Variants in TEX101 observed in about 807,000 individuals in gnomAD.
TEX101 encodes the protein testis expressed 101.
A neutral mutation model predicts 18.1 loss-of-function variants in TEX101; 10 were observed. The ratio of observed to expected loss-of-function variants is 0.55; its 90% CI spans 0.34 to 0.94. The LOEUF is 0.94. Ranked by LOEUF, TEX101 falls within the 40% of genes least tolerant of loss-of-function variation. TEX101 has a pLI of 0.02. For synonymous variants in TEX101, 94 were observed against 114.8 expected, an observed-to-expected ratio of 0.82 and a Z score of 1.16; for missense variants, 259 against 298.9, an observed-to-expected ratio of 0.87 and a Z score of 0.98.
At chr19:43,408,141 C>T (rs764258989) in intron 3 of TEX101, among the ~76,000 whole-genome samples, 103 of 152,352 alleles carry the variant, frequency 6.8e-4, no homozygotes, top group Admixed American at 2.6e-4. Context: ...GTGAGCCTGC[C>T]CGAGCCCGCA....
chr19:43,403,082 C>A (rs1467040093), intron 2 of TEX101, among the ~76,000 whole-genome samples: 6 of 152,100 alleles, frequency 3.9e-5, no homozygotes, highest in Non-Finnish European at 8.8e-5. Context: ...TGCCATCTGG[C>A]GATAAAGAGT....
the TEX101 span, among the ~76,000 whole-genome samples, chr19:43,394,880 G>A: frequency 6.6e-6 from 1 of 152,140 alleles, no homozygotes; most frequent in East Asian, 1.9e-4. Context: ...CTGGAAAATG[G>A]CTTTTCAGGG....
At chr19:43,412,840 C>T (rs1471168067), upstream of TEX101, among the ~76,000 whole-genome samples, 1 of 152,140 alleles carries the variant, frequency 6.6e-6, no homozygotes, top group East Asian at 1.9e-4. Context: ...TGAAAGTATA[C>T]AAAGCGTTGC....
upstream of TEX101, among the ~76,000 whole-genome samples, chr19:43,400,094 C>T (rs1008004201): frequency 6.6e-6 from 1 of 152,180 alleles, no homozygotes; most frequent in African/African-American, 2.4e-5. Flanking sequence ...GGATTACAGG[C>T]GTGAGCCACC....
upstream of TEX101, among the ~76,000 whole-genome samples, chr19:43,399,868 T>A (rs960575553): frequency 1.4e-5 from 2 of 146,906 alleles, no homozygotes; most frequent in African/African-American, 5.1e-5. Context: ...AGTGCTGGAG[T>A]GCAATGGTAT....
At chr19:43,388,969 G>C in the TEX101 span, among the ~76,000 whole-genome samples, 1 of 151,984 alleles carries the variant, frequency 6.6e-6, no homozygotes, top group Non-Finnish European at 1.5e-5. Context: ...GTTCCTCCCG[G>C]GCCCTGCCTC....
chr19:43,391,269 G>A, the TEX101 span, among the ~76,000 whole-genome samples: 7 of 152,144 alleles, frequency 4.6e-5, no homozygotes, highest in African/African-American at 9.7e-5. Context: ...ACCAGAAGCC[G>A]AATTGCTGCA....
chr19:43,389,913 G>A, the TEX101 span, among the ~76,000 whole-genome samples: 8 of 152,010 alleles, frequency 5.3e-5, no homozygotes, highest in South Asian at 2.1e-4. Flanking sequence ...TTGTCTCCCC[G>A]GGTCTCCCTG....
intron 2 of TEX101, among the ~76,000 whole-genome samples, chr19:43,404,220 C>T (rs1206188011): frequency 6.6e-6 from 1 of 151,762 alleles, no homozygotes; most frequent in South Asian, 2.1e-4. Context: ...CAGCAGTGCA[C>T]GTGAGAAGTA....
At chr19:43,413,243 C>T (rs1049960080), upstream of TEX101, among the ~76,000 whole-genome samples, 2 of 152,064 alleles carry the variant, frequency 1.3e-5, no homozygotes, top group Non-Finnish European at 2.9e-5. Context: ...CGTGGTGGCT[C>T]ATGCCTGTAA....
At chr19:43,403,174 C>G (rs1372169031) in intron 2 of TEX101, among the ~76,000 whole-genome samples, 1 of 152,194 alleles carries the variant, frequency 6.6e-6, no homozygotes, top group Admixed American at 6.5e-5. Flanking sequence ...GGTGCCTCCA[C>G]TCACTCTCTG....
In TEX101 at chr19:43,417,978, C is replaced by G; in HGVS notation, c.492C>G (p.Cys164Trp). 6.2e-7 allele frequency: 1 copy of G among 1,614,160 alleles called. No individual in the cohort carries two copies. Among genetic ancestry groups the G allele is most frequent in the Non-Finnish European group, 8.5e-7 (1 of 1,180,028 alleles). The change falls in exon 5 of 6, where the codon TGC (cysteine) becomes TGG (tryptophan). Residue 164 changes from cysteine to tryptophan, a missense_variant. Physicochemically the swap from Cys to Trp is radical, Grantham distance 215. Coordinates refer to ENST00000598265, the MANE Select transcript of TEX101 (RefSeq NM_001130011.3). ...SLPCPNGTTR[C>W]YQGKLEITGG... is the part of the protein sequence containing the mutation. ...CCTGTCCCAATGGTACAACTCGATG[C>G]TATCAAGGAAAACTTGAGATCACTG...
In TEX101 at chr19:43,418,149, A is replaced by G. The variant is rs765355346; in HGVS notation, c.521-19A>G. 7 of 1,613,666 alleles carry G rather than the reference A, an allele frequency of 4.3e-6. No homozygotes were observed. Among genetic ancestry groups the G allele is most frequent in the African/African-American group, 1.3e-5 (1 of 74,884 alleles). On this transcript the variant is annotated intron_variant, in intron 5 of 5. Transcript: ENST00000598265. Reference sequence around the variant, plus strand: ...TCCTAAAACATCTCTGTCTCTCCCGATCCTTCCTTGTTCTATAGGTGGCAT... The same window carrying G: ...TCCTAAAACATCTCTGTCTCTCCCGGTCCTTCCTTGTTCTATAGGTGGCAT...
upstream of TEX101, chr19:43,414,843 T>TG (rs762969522): frequency 1.3e-4 from 132 of 985,144 alleles, no homozygotes; most frequent in Admixed American, 6.8e-4. Context: ...CATCCACCAA[T>TG]GGGGTTTCGA....
chr19:43,417,827 C>T lies in TEX101; in HGVS notation c.392-51C>T, dbSNP rs770719012. The T allele has an allele frequency of 3.1e-6, 5 of 1,607,660 alleles. No individual in the cohort carries two copies. The South Asian group carries it at 3.3e-5, about 11-fold the overall frequency. On this transcript the variant is annotated intron_variant, in intron 4 of 5. Transcript: ENST00000598265. The stretch of plus-strand genomic sequence containing the variant: ...GGGAAGAGAAGGCAGCAAGGAGCAA[C>T]ATCTCTGGAGGCAGGACCTGCCCTT...
chr19:43,406,599 A>G, intron 3 of TEX101: 1 of 606,646 alleles, frequency 1.6e-6, no homozygotes, highest in East Asian at 3.0e-5. Flanking sequence ...GTCGGGCGCG[A>G]GTTTCGAGAG....
chr19:43,403,240 T>G (rs1228481286), intron 2 of TEX101, among the ~76,000 whole-genome samples: 1 of 152,228 alleles, frequency 6.6e-6, no homozygotes, highest in East Asian at 1.9e-4. Flanking sequence ...ATTTGTGAGA[T>G]AAGATAAACA....
chr19:43,388,722 A>T, the TEX101 span, among the ~76,000 whole-genome samples: 1 of 152,182 alleles, frequency 6.6e-6, no homozygotes, highest in Non-Finnish European at 1.5e-5. Flanking sequence ...GCTTGGCTGG[A>T]TACAAAGGTG....
At chr19:43,397,815 A>AT (rs1398833207), upstream of TEX101, among the ~76,000 whole-genome samples, 2 of 113,240 alleles carry the variant, frequency 1.8e-5, no homozygotes, top group East Asian at 2.2e-4. Flanking sequence ...ATATAAATAT[A>AT]AATATATAAA....
Sources: gnomAD v4.1 joint callset for allele counts (sites outside exome capture counted in the v4.1 genomes callset) on GRCh38, gnomAD v4.1.1 for gene constraint, MANE v1.5 for transcripts, NCBI Gene and HGNC (gene_info 2026-07-23, HGNC 2026-07-21) for gene names.